The following PSMD1 variants were observed in gnomAD, a reference collection of about 807,000 sequenced individuals.
The protein encoded by PSMD1 is 26S proteasome non-ATPase regulatory subunit 1.
PSMD1 carries 18 observed loss-of-function variants against 119.0 expected under a neutral mutation model. The observed-to-expected ratio is 0.15, with a 90% CI of 0.10 to 0.22. PSMD1 has a LOEUF of 0.22. Among genes scored for constraint, PSMD1 ranks in the 10% least tolerant of loss-of-function variants. PSMD1 has a pLI of 1.00. For synonymous variants in PSMD1, 374 were observed against 396.6 expected (o/e 0.94, Z 0.68); for missense variants, 702 against 1,158.5 (o/e 0.61, Z 5.72).
chr2:231,094,586 C>T (rs1694681743), intron 16 of PSMD1, among the ~76,000 whole-genome samples: 1 of 152,140 alleles, frequency 6.6e-6, no homozygotes, highest in South Asian at 2.1e-4. Context: ...TATTAAGGCT[C>T]CAGCCTTAGC....
At chr2:231,151,007 A>C (rs1282276044) in intron 18 of PSMD1, among the ~76,000 whole-genome samples, 1 of 152,200 alleles carries the variant, frequency 6.6e-6, no homozygotes, top group Admixed American at 6.5e-5. Context: ...AACATGATGA[A>C]TGTTTAAAAT....
chr2:231,124,303 C>G (rs1041647356), intron 16 of PSMD1, among the ~76,000 whole-genome samples: 1 of 152,024 alleles, frequency 6.6e-6, no homozygotes, highest in African/African-American at 2.4e-5. Flanking sequence ...AAACAGAAGA[C>G]ACATTAATTT....
intron 15 of PSMD1, among the ~76,000 whole-genome samples, chr2:231,085,829 G>GTTT (rs1380488437): frequency 6.6e-6 from 1 of 152,076 alleles, no homozygotes; most frequent in Non-Finnish European, 1.5e-5. Context: ...GTCTTAATAG[G>GTTT]TTTTTATCAT....
At chr2:231,098,443 CTCTT>C (rs1339423291) in intron 16 of PSMD1, among the ~76,000 whole-genome samples, 1 of 151,250 alleles carries the variant, frequency 6.6e-6, no homozygotes, top group Non-Finnish European at 1.5e-5. Context: ...GTCTCTCTGT[CTCTT>C]TCTCTCTCTC....
chr2:231,068,227 T>C (rs961027338), intron 5 of PSMD1, among the ~76,000 whole-genome samples: 1 of 152,226 alleles, frequency 6.6e-6, no homozygotes, highest in African/African-American at 2.4e-5. Flanking sequence ...TTTTCACCAC[T>C]GTATCCCCAA....
intron 16 of PSMD1, among the ~76,000 whole-genome samples, chr2:231,119,651 A>G (rs147389642): frequency 0.012 from 1,870 of 152,158 alleles, 21 homozygotes; most frequent in Middle Eastern, 0.088. Context: ...CAGGTGGATC[A>G]CCTGAGGTCA....
intron 1 of PSMD1, 106 bp downstream of exon 1, chr2:231,057,147 T>A: frequency 7.3e-7 from 1 of 1,361,914 alleles, no homozygotes; most frequent in Non-Finnish European, 9.5e-7. Context: ...AACGCCGGCC[T>A]GGGCAGCTTC....
intron 16 of PSMD1, among the ~76,000 whole-genome samples, chr2:231,092,447 A>G (rs1011968196): frequency 6.6e-6 from 1 of 152,186 alleles, no homozygotes; most frequent in Non-Finnish European, 1.5e-5. Flanking sequence ...AGGTCACAGT[A>G]TAGTTGTTAC....
chr2:231,142,128 C>T (rs1346494941), intron 17 of PSMD1, among the ~76,000 whole-genome samples: 1 of 152,174 alleles, frequency 6.6e-6, no homozygotes, highest in African/African-American at 2.4e-5. Flanking sequence ...GGTTGTCCAC[C>T]CGCCTCAGCT....
Position 231,057,017 on chromosome 2 carries a change from G to T in PSMD1, c.-9G>T, listed in dbSNP as rs1189477914. 5.8e-6 allele frequency: 9 copies of T among 1,538,798 alleles called. No homozygotes were observed. The highest frequency in any genetic ancestry group is 7.9e-6 in the Non-Finnish European group (9 of 1,143,860). Reference sequence around the variant, plus strand: ...CGAGCGAGCCGACGGGCGAGTGAGGGGCGCAGCCATGATCACCTCGGCCGG... The same window carrying T: ...CGAGCGAGCCGACGGGCGAGTGAGGTGCGCAGCCATGATCACCTCGGCCGG... On this transcript the variant is annotated 5_prime_UTR_variant, in exon 1 of 25. Transcript: ENST00000308696.
At chr2:231,161,608 T>A in intron 20 of PSMD1, 99 bp downstream of exon 20, 1 of 1,230,738 alleles carries the variant, frequency 8.1e-7, no homozygotes, top group Non-Finnish European at 1.1e-6. Context: ...ATTTTAAAGA[T>A]GAGTTAACAT....
At chr2:231,142,362 A>G (rs1184429121) in intron 17 of PSMD1, among the ~76,000 whole-genome samples, 1 of 152,138 alleles carries the variant, frequency 6.6e-6, no homozygotes, top group East Asian at 1.9e-4. Flanking sequence ...GGAAGAATAT[A>G]GTTGTATGTT....
chr2:231,080,156 G>A lies in PSMD1; in HGVS notation c.1255G>A (p.Ala419Thr), dbSNP rs1225597524. 1.2e-6 allele frequency: 2 copies of A among 1,610,990 alleles called. No individual in the cohort carries two copies. Among genetic ancestry groups the A allele is most frequent in the Non-Finnish European group, 1.7e-6 (2 of 1,178,780 alleles). ...ACCTTTACAGGGTCATGAAAAAGAAGCATTACAGTTAATGGCAACATACCT... is the reference window on the plus strand; with the variant it reads ...ACCTTTACAGGGTCATGAAAAAGAAACATTACAGTTAATGGCAACATACCT... Reference protein sequence around the residue: ...GVIHKGHEKEALQLMATYLPK... With the variant: ...GVIHKGHEKETLQLMATYLPK... The change falls in exon 12 of 25, where the codon GCA becomes ACA. Residue 419 changes from alanine (A) to threonine (T), a missense_variant. Coordinates refer to ENST00000308696, the MANE Select transcript of PSMD1 (RefSeq NM_002807.4).
At chr2:231,068,407 T>C (rs989411732) in intron 5 of PSMD1, among the ~76,000 whole-genome samples, 7 of 152,364 alleles carry the variant, frequency 4.6e-5, no homozygotes, top group African/African-American at 1.7e-4. Context: ...CTTTCATTTA[T>C]TCAACAAATA....
intron 1 of PSMD1, chr2:231,060,437 C>A (rs1048590208): frequency 1.3e-5 from 2 of 152,198 alleles, no homozygotes; most frequent in African/African-American, 4.8e-5. Context: ...GATTTTAAAA[C>A]CCACATGGAA....
chr2:231,083,871 T>G, intron 14 of PSMD1, 108 bp downstream of exon 14: 2 of 1,081,836 alleles, frequency 1.8e-6, no homozygotes, highest in South Asian at 3.1e-5. Context: ...GGTACACTTA[T>G]TCATAAAACT....
intron 23 of PSMD1, among the ~76,000 whole-genome samples, chr2:231,168,005 A>G (rs1696827694): frequency 2.0e-5 from 3 of 152,236 alleles, no homozygotes; most frequent in African/African-American, 7.2e-5. Context: ...GCTTGAGCCC[A>G]GTAGCTCGAG....
At chr2:231,151,802 A>ATTTTTTTTTTTTTTTTTTTTTTT in intron 18 of PSMD1, among the ~76,000 whole-genome samples, 1 of 133,126 alleles carries the variant, frequency 7.5e-6, no homozygotes. Context: ...CAAACATGAG[A>ATTTTTTTTTTTTTTTTTTTTTTT]ATTTTTTTTT....
chr2:231,163,616 T>C lies in PSMD1; in HGVS notation c.2389-19T>C, dbSNP rs770254157. 6.3e-7 allele frequency: 1 copy of C among 1,583,954 alleles called. No individual in the cohort carries two copies. The highest frequency in any genetic ancestry group is 1.1e-5 in the South Asian group (1 of 90,172). ...ACAGAGTACTTAAAGCCAATGTTATTTTAATGGAATTTCTTCAGATGCCGA... is the reference window on the plus strand; with the variant it reads ...ACAGAGTACTTAAAGCCAATGTTATCTTAATGGAATTTCTTCAGATGCCGA... On this transcript the variant is annotated intron_variant, in intron 20 of 24. Coordinates refer to ENST00000308696, the MANE Select transcript of PSMD1 (RefSeq NM_002807.4).
Sources: allele counts gnomAD v4.1 joint callset (sites outside exome capture counted in the v4.1 genomes callset), GRCh38; gene constraint gnomAD v4.1.1; transcripts MANE v1.5; gene names NCBI Gene and HGNC (gene_info 2026-07-23, HGNC 2026-07-21).